Variants in HDAC9 observed in about 807,000 individuals in gnomAD.
HDAC9 encodes the protein MEF-2 interacting transcription repressor (MITR) protein.
A neutral mutation model predicts 139.4 loss-of-function variants in HDAC9; 41 were observed. The ratio of observed to expected loss-of-function variants is 0.29; its 90% confidence interval spans 0.23 to 0.38. The LOEUF (loss-of-function observed/expected upper bound fraction) is 0.38. Ranked by LOEUF, HDAC9 falls within the 10% of genes least tolerant of loss-of-function variation. The pLI, the probability that HDAC9 is intolerant of heterozygous loss-of-function variation, is 1.00. For synonymous variants in HDAC9, 517 were observed against 476.2 expected, an observed-to-expected ratio of 1.09 and a Z score of -1.12; for missense variants, 1,147 against 1,297.0, an observed-to-expected ratio of 0.88 and a Z score of 1.78.
chr7:18,971,118 T>A (rs1554415495), intron 24 of HDAC9, among the ~76,000 whole-genome samples: 1 of 152,206 alleles, frequency 6.6e-6, no homozygotes, highest in Non-Finnish European at 1.5e-5. Flanking sequence ...CCTCTAACTC[T>A]TGACTCTCTA....
chr7:18,779,621 C>T (rs1437536398), intron 16 of HDAC9, among the ~76,000 whole-genome samples: 1 of 152,026 alleles, frequency 6.6e-6, no homozygotes, highest in African/African-American at 2.4e-5. Flanking sequence ...TTTCACTTAT[C>T]TGAGACTTGG....
At chr7:18,994,661 A>T (rs976120195) in intron 25 of HDAC9, among the ~76,000 whole-genome samples, 2 of 152,184 alleles carry the variant, frequency 1.3e-5, no homozygotes, top group Non-Finnish European at 2.9e-5. Flanking sequence ...CTATGGTTAA[A>T]ATCTTTCTTT....
chr7:18,408,048 A>G (rs1788178950), intron 1 of HDAC9, among the ~76,000 whole-genome samples: 2 of 152,132 alleles, frequency 1.3e-5, no homozygotes, highest in African/African-American at 2.4e-5. Context: ...TATTGAGGGG[A>G]TTAAATGAGA....
chr7:18,200,880 C>T (rs1039057624), intron 2 of HDAC9, among the ~76,000 whole-genome samples: 7 of 152,132 alleles, frequency 4.6e-5, no homozygotes, highest in Non-Finnish European at 5.9e-5. Context: ...ATGGCTCTGG[C>T]TCTTGGCTGA....
At chr7:18,720,354 T>C (rs1477910664) in intron 12 of HDAC9, among the ~76,000 whole-genome samples, 1 of 151,682 alleles carries the variant, frequency 6.6e-6, no homozygotes, top group African/African-American at 2.4e-5. Context: ...TTTAATAATG[T>C]TTTAATGGAT....
intron 1 of HDAC9, among the ~76,000 whole-genome samples, chr7:18,464,786 A>G (rs531841564): frequency 1.3e-5 from 2 of 152,102 alleles, no homozygotes; most frequent in Admixed American, 6.5e-5. Context: ...TCAATCCTAC[A>G]TAGAGTGTTT....
intron 2 of HDAC9, among the ~76,000 whole-genome samples, chr7:18,253,282 T>C (rs1373461266): frequency 6.6e-6 from 1 of 152,156 alleles, no homozygotes; most frequent in African/African-American, 2.4e-5. Context: ...AATGGGATTA[T>C]TGGGTTGAAT....
intron 1 of HDAC9, among the ~76,000 whole-genome samples, chr7:18,305,426 C>T (rs1798843385): frequency 1.3e-5 from 2 of 152,142 alleles, no homozygotes; most frequent in Admixed American, 1.3e-4. Context: ...TCGACTAATT[C>T]TGAAAAAGGA....
chr7:18,679,995 G>A (rs1562845762), intron 12 of HDAC9, among the ~76,000 whole-genome samples: 1 of 151,794 alleles, frequency 6.6e-6, no homozygotes, highest in Non-Finnish European at 1.5e-5. Context: ...TTAGTTCCTG[G>A]TTTCTTTATC....
chr7:18,993,428 T>C (rs1786165583), intron 25 of HDAC9, among the ~76,000 whole-genome samples: 1 of 152,180 alleles, frequency 6.6e-6, no homozygotes, highest in African/African-American at 2.4e-5. Flanking sequence ...AGCTGGGACT[T>C]GAACCCAGAA....
At position 18,647,725 on chromosome 7, in the gene HDAC9, G is replaced by C. The variant is rs1024122532; in HGVS notation, c.1036-60G>C. 3 of 1,384,142 alleles carry C rather than the reference G, an allele frequency of 2.2e-6. No individual in the cohort carries two copies. The African/African-American group carries it at 4.4e-5, about 20-fold the overall frequency. 85.7% of individuals were successfully genotyped at this position (1,384,142 alleles called of 1,614,324 possible). A position where few individuals can be genotyped will look rare whatever the true frequency, so the allele number is the denominator to read the frequency against. ...CATAGGAAACTTGTCTAATGATTTA[G>C]AGACCCAGTGACCCACATGGATGAA... On this transcript the variant is annotated intron_variant, in intron 9 of 25. Transcript: ENST00000686413.
At chr7:18,473,975 T>G (rs562062886) in intron 1 of HDAC9, among the ~76,000 whole-genome samples, 1 of 152,340 alleles carries the variant, frequency 6.6e-6, no homozygotes, top group South Asian at 2.1e-4. Flanking sequence ...AAACAACTTG[T>G]TCTTAACTTG....
chr7:18,479,431 T>C (rs1025152985), intron 1 of HDAC9, among the ~76,000 whole-genome samples: 4 of 152,190 alleles, frequency 2.6e-5, no homozygotes, highest in African/African-American at 9.6e-5. Flanking sequence ...CTTCCACATA[T>C]GTGGGACAAT....
intron 1 of HDAC9, among the ~76,000 whole-genome samples, chr7:18,361,796 T>C (rs1783797909): frequency 6.6e-6 from 1 of 151,978 alleles, no homozygotes; most frequent in Non-Finnish European, 1.5e-5. Context: ...ATGTATTATT[T>C]CGTTTATTGC....
chr7:18,936,092 TG>T, intron 23 of HDAC9, 150 bp downstream of exon 23: 1 of 713,522 alleles, frequency 1.4e-6, no homozygotes, highest in Non-Finnish European at 2.3e-6. Context: ...TAAGTTTACA[TG>T]TTCTCGTATA....
In HDAC9 at chr7:18,727,687, C is replaced by G. The variant is rs1354439939; in HGVS notation, c.1839C>G (p.His613Gln). The G allele has an allele frequency of 6.3e-7, 1 of 1,584,902 alleles. No individual in the cohort carries two copies. Among genetic ancestry groups the G allele is most frequent in the South Asian group, 1.2e-5 (1 of 86,224 alleles). ...AACACCGTCTCGTCTCCAGGACTCACTCTTCCCCTGCTGCCTCTGTTTTAC... is the reference window on the plus strand; with the variant it reads ...AACACCGTCTCGTCTCCAGGACTCAGTCTTCCCCTGCTGCCTCTGTTTTAC... ...LEKHRLVSRT[H>Q]SSPAASVLPH... Residue 613 changes from histidine (H) to glutamine (Q), a missense_variant, in exon 13 of 26, where the codon CAC (histidine) becomes CAG (glutamine). Physicochemically the swap from His to Gln is conservative, Grantham distance 24. Transcript: ENST00000686413.
At chr7:18,934,962 A>G (rs867714040) in intron 22 of HDAC9, among the ~76,000 whole-genome samples, 45 of 152,322 alleles carry the variant, frequency 3.0e-4, no homozygotes, top group Middle Eastern at 6.8e-3. Context: ...ATGGCCTACT[A>G]GACAGCAAAA....
At chr7:18,883,863 A>G (rs1221116164) in intron 22 of HDAC9, among the ~76,000 whole-genome samples, 1 of 152,168 alleles carries the variant, frequency 6.6e-6, no homozygotes, top group Non-Finnish European at 1.5e-5. Context: ...TAATATTAAC[A>G]TACAAAAATC....
intron 16 of HDAC9, among the ~76,000 whole-genome samples, chr7:18,768,435 A>G (rs1056649491): frequency 6.6e-6 from 1 of 152,144 alleles, no homozygotes; most frequent in Non-Finnish European, 1.5e-5. Context: ...ACAGCTCACC[A>G]GTGACTTTTG....
Sources: allele counts gnomAD v4.1 joint callset (sites outside exome capture counted in the v4.1 genomes callset), GRCh38; gene constraint gnomAD v4.1.1; transcripts MANE v1.5; gene names NCBI Gene and HGNC (gene_info 2026-07-23, HGNC 2026-07-21).